Variants in FBP1 observed in about 807,000 individuals in gnomAD.
The protein encoded by FBP1 is fructose-1,6-bisphosphatase 1.
In FBP1, 22 loss-of-function variants were observed where a neutral mutation model predicts 29.9. That is an observed-to-expected ratio of 0.74 (90% CI 0.53 to 1.05). FBP1 has a LOEUF of 1.05. FBP1 is among the 50% of genes least tolerant of loss of function. The probability of loss-of-function intolerance (pLI) is 0.00; values close to 1 mark genes in which losing one functional copy is unlikely to be tolerated. For synonymous variants in FBP1, 175 were observed against 178.6 expected, an observed-to-expected ratio of 0.98 and a Z score of 0.16; for missense variants, 345 against 448.2, an observed-to-expected ratio of 0.77 and a Z score of 2.08.
chr9:94,620,939 C>T (rs1827937908), intron 1 of FBP1, among the ~76,000 whole-genome samples: 1 of 152,100 alleles, frequency 6.6e-6, no homozygotes, highest in African/African-American at 2.4e-5. Flanking sequence ...AAGGGCCGGG[C>T]GTGGTGGCTC....
At position 94,612,549 on chromosome 9, in the gene FBP1, AT is replaced by A. The variant is rs561246840; in HGVS notation, c.427-2489del. On this transcript the variant is annotated intron_variant, in intron 3 of 6. Transcript: ENST00000375326. ...GAATTCTTTTCTAGCCCAGCCCCCA[AT>A]TTTTTTTTTTTTTTTTTTTTTTTTG... is the stretch of plus-strand genomic sequence containing the variant. Among the ~76,000 whole-genome samples, 834 of 107,882 alleles carry A rather than the reference AT, an allele frequency of 7.7e-3. 3 individuals are homozygous for A. The highest frequency in any genetic ancestry group is 0.025 in the African/African-American group (718 of 28,910). 70.8% of individuals were successfully genotyped at this position (107,882 alleles called of 152,430 possible).
chr9:94,626,574 C>G (rs1828029088), intron 1 of FBP1, among the ~76,000 whole-genome samples: 1 of 152,080 alleles, frequency 6.6e-6, no homozygotes, highest in Non-Finnish European at 1.5e-5. Context: ...CTCGGGGACC[C>G]TAAGAAGGGC....
At chr9:94,634,777 A>T (rs1458141785) in intron 1 of FBP1, among the ~76,000 whole-genome samples, 1 of 152,146 alleles carries the variant, frequency 6.6e-6, no homozygotes, top group Non-Finnish European at 1.5e-5. Context: ...CCTGGCCAAC[A>T]TGGCTAAACC....
intron 2 of FBP1, among the ~76,000 whole-genome samples, chr9:94,619,295 G>A (rs547524284): frequency 6.6e-6 from 1 of 152,280 alleles, no homozygotes; most frequent in African/African-American, 2.4e-5. Context: ...TTAATAGGGT[G>A]AGGACAGGCA....
chr9:94,618,170 G>A (rs1263969555), intron 2 of FBP1, among the ~76,000 whole-genome samples: 1 of 152,028 alleles, frequency 6.6e-6, no homozygotes, highest in East Asian at 1.9e-4. Flanking sequence ...TTTCCTGGCA[G>A]CCAAAGGAAA....
At chr9:94,627,810 T>C (rs1487619272) in intron 1 of FBP1, among the ~76,000 whole-genome samples, 1 of 152,060 alleles carries the variant, frequency 6.6e-6, no homozygotes, top group African/African-American at 2.4e-5. Flanking sequence ...TGGGAAACCA[T>C]CACACGACCC....
chr9:94,609,781 C>T, intron 4 of FBP1, 140 bp downstream of exon 4: 1 of 988,846 alleles, frequency 1.0e-6, no homozygotes, highest in South Asian at 1.3e-5. Context: ...CTCCTGCCCC[C>T]TTTCCACCAC....
At chr9:94,613,778 A>C (rs1193466631) in intron 3 of FBP1, among the ~76,000 whole-genome samples, 1 of 130,518 alleles carries the variant, frequency 7.7e-6, no homozygotes, top group Non-Finnish European at 1.6e-5. Flanking sequence ...AAAAAGAAAA[A>C]AAAGAAGAAA....
intron 3 of FBP1, among the ~76,000 whole-genome samples, chr9:94,611,345 C>G (rs1326713997): frequency 6.6e-6 from 1 of 152,200 alleles, no homozygotes; most frequent in Non-Finnish European, 1.5e-5. Flanking sequence ...CTGTATCACG[C>G]AGCTGGAGAA....
At chr9:94,617,455 G>A (rs1237258123) in intron 3 of FBP1, among the ~76,000 whole-genome samples, 2 of 152,106 alleles carry the variant, frequency 1.3e-5, no homozygotes, top group East Asian at 3.8e-4. Context: ...AGTTCACATC[G>A]TATCATCACT....
chr9:94,623,449 C>T (rs1166514661), intron 1 of FBP1, among the ~76,000 whole-genome samples: 1 of 152,212 alleles, frequency 6.6e-6, no homozygotes, highest in African/African-American at 2.4e-5. Flanking sequence ...GAAGTCTGCC[C>T]CCACGCGGCT....
chr9:94,614,168 GA>G (rs1827828534), intron 3 of FBP1, among the ~76,000 whole-genome samples: 2 of 131,744 alleles, frequency 1.5e-5, no homozygotes, highest in South Asian at 5.8e-4. Flanking sequence ...GGCAGAGGAG[GA>G]AGGGGGGGAC....
intron 4 of FBP1, among the ~76,000 whole-genome samples, chr9:94,608,888 T>C (rs772426871): frequency 6.6e-6 from 1 of 152,118 alleles, no homozygotes; most frequent in African/African-American, 2.4e-5. Flanking sequence ...ACTAATGTCA[T>C]AGGAGGACAT....
intron 1 of FBP1, among the ~76,000 whole-genome samples, chr9:94,630,148 G>A (rs1362464439): frequency 6.6e-6 from 1 of 152,192 alleles, no homozygotes; most frequent in Non-Finnish European, 1.5e-5. Context: ...AGAATATTTT[G>A]TTCACCATGT....
At chr9:94,619,957 C>T (rs1189667491) in intron 2 of FBP1, among the ~76,000 whole-genome samples, 16 of 148,274 alleles carry the variant, frequency 1.1e-4, no homozygotes, top group Non-Finnish European at 1.9e-4. Context: ...ATGGAAGTTT[C>T]AAGCAGTCTA....
chr9:94,624,199 A>T (rs1563985864), intron 1 of FBP1, among the ~76,000 whole-genome samples: 1 of 151,776 alleles, frequency 6.6e-6, no homozygotes, highest in Non-Finnish European at 1.5e-5. Context: ...TTAGCCGGGC[A>T]TGGTGGCGGG....
At chr9:94,612,549 A>ATTTT (rs561246840) in intron 3 of FBP1, among the ~76,000 whole-genome samples, 65 of 108,004 alleles carry the variant, frequency 6.0e-4, no homozygotes, top group Non-Finnish European at 7.5e-4. Context: ...CCAGCCCCCA[A>ATTTT]TTTTTTTTTT....
intron 2 of FBP1, among the ~76,000 whole-genome samples, chr9:94,619,281 C>T (rs1031554599): frequency 6.6e-6 from 1 of 152,124 alleles, no homozygotes; most frequent in Non-Finnish European, 1.5e-5. Flanking sequence ...TGGCTCCTGC[C>T]CTCTTAATAG....
At chr9:94,631,106 G>C (rs1447902703) in intron 1 of FBP1, among the ~76,000 whole-genome samples, 1 of 152,178 alleles carries the variant, frequency 6.6e-6, no homozygotes, top group African/African-American at 2.4e-5. Context: ...AGATGTTCTT[G>C]ACATTTCACT....
Sources: gnomAD v4.1 joint callset for allele counts (sites outside exome capture counted in the v4.1 genomes callset) on GRCh38, gnomAD v4.1.1 for gene constraint, MANE v1.5 for transcripts, NCBI Gene and HGNC (gene_info 2026-07-23, HGNC 2026-07-21) for gene names.